Variants in NRG1 observed in about 807,000 individuals in gnomAD.
NRG1 encodes pro-neuregulin-1, membrane-bound isoform.
NRG1 carries 18 observed loss-of-function variants against 63.8 expected under a neutral mutation model. That is an observed-to-expected ratio of 0.28 (90% confidence interval 0.19 to 0.42). The LOEUF (loss-of-function observed/expected upper bound fraction) is 0.42. Among genes scored for constraint, NRG1 ranks in the 10% least tolerant of loss-of-function variants. The pLI is 1.00. For missense variants in NRG1, 762 were observed against 814.7 expected, an observed-to-expected ratio of 0.94 and a Z score of 0.79; for synonymous variants, 302 against 301.3, an observed-to-expected ratio of 1.00 and a Z score of -0.02.
intron 1 of NRG1, among the ~76,000 whole-genome samples, chr8:32,346,717 T>C (rs1279426798): frequency 6.6e-6 from 1 of 152,202 alleles, no homozygotes; most frequent in Admixed American, 6.5e-5. Context: ...TTTTAATTGA[T>C]ATAGCATAGT....
At chr8:31,720,624 T>TG (rs1812819933) in intron 1 of NRG1, among the ~76,000 whole-genome samples, 1 of 152,218 alleles carries the variant, frequency 6.6e-6, no homozygotes, top group Non-Finnish European at 1.5e-5. Flanking sequence ...CAAACCGTTT[T>TG]TTTGTTTGTT....
intron 5 of NRG1, among the ~76,000 whole-genome samples, chr8:32,624,257 G>T (rs999927626): frequency 3.9e-5 from 6 of 152,210 alleles, no homozygotes; most frequent in Admixed American, 1.3e-4. Flanking sequence ...CTAAAATACT[G>T]CATCCAGGGA....
chr8:31,880,835 A>G (rs2129612696), intron 1 of NRG1, among the ~76,000 whole-genome samples: 1 of 152,196 alleles, frequency 6.6e-6, no homozygotes, highest in East Asian at 1.9e-4. Flanking sequence ...AATGGCTTAA[A>G]GGAGTATTTG....
At chr8:32,662,060 G>A (rs1201735335) in intron 5 of NRG1, among the ~76,000 whole-genome samples, 1 of 152,140 alleles carries the variant, frequency 6.6e-6, no homozygotes, top group Non-Finnish European at 1.5e-5. Context: ...GCATATCCCA[G>A]TTATACTGAT....
At position 32,566,342 on chromosome 8, in the gene NRG1, C is replaced by CAA. The variant is rs35064563; in HGVS notation, c.100+17532_100+17533dup. Among the ~76,000 whole-genome samples the CAA allele has an allele frequency of 2.5e-4, 26 of 102,686 alleles. 2 individuals are homozygous for CAA. Among genetic ancestry groups the CAA allele is most frequent in the Admixed American group, 3.3e-4 (3 of 9,104 alleles). 67.4% of individuals were successfully genotyped at this position (102,686 alleles called of 152,430 possible). On this transcript the variant is annotated intron_variant, in intron 1 of 11. Transcript: ENST00000356819. The stretch of plus-strand genomic sequence containing the variant: ...ACTTCACTCCAGCCACAGAACATCT[C>CAA]AAAAAAAAAAAAAAAAAGACAGCAT...
In NRG1 at chr8:31,640,635, C is replaced by T. The variant is rs1009261637; in HGVS notation, c.37+1204C>T. 1.2e-6 allele frequency: 2 copies of T among 1,609,910 alleles called. No homozygotes were observed. The highest frequency in any genetic ancestry group is 2.7e-5 in the African/African-American group (2 of 74,790). ...TGGAGCCCGACGCCAACAGCACCAG[C>T]CGCGCGCCGGCCGCCTTCCGAGCCT... On this transcript the variant is annotated intron_variant, in intron 1 of 10. Coordinates refer to the NRG1 transcript ENST00000519301. This position sits in a 1 kb window ranked among gnomAD's most constrained non-coding sequence, Gnocchi z 6.3.
chr8:31,943,484 A>T (rs749007852), intron 1 of NRG1, among the ~76,000 whole-genome samples: 2 of 151,998 alleles, frequency 1.3e-5, no homozygotes, highest in African/African-American at 4.8e-5. Flanking sequence ...CACTACTAAA[A>T]AACTTACTCA....
At chr8:32,327,877 C>A (rs1050396262) in intron 1 of NRG1, among the ~76,000 whole-genome samples, 5 of 152,140 alleles carry the variant, frequency 3.3e-5, no homozygotes, top group Non-Finnish European at 5.9e-5. Flanking sequence ...GCACTGCTTC[C>A]ATATTGGCTA....
intron 1 of NRG1, among the ~76,000 whole-genome samples, chr8:31,688,700 C>T (rs1004936827): frequency 5.3e-5 from 8 of 151,880 alleles, no homozygotes; most frequent in Admixed American, 2.0e-4. Context: ...TGTAGATTCA[C>T]TAAAGCTTTT....
intron 1 of NRG1, among the ~76,000 whole-genome samples, chr8:32,286,169 C>A (rs565161949): frequency 6.6e-6 from 1 of 152,172 alleles, no homozygotes; most frequent in East Asian, 1.9e-4. Context: ...TACATTGGCC[C>A]GTTGAGTTTT....
intron 1 of NRG1, among the ~76,000 whole-genome samples, chr8:31,659,166 G>A (rs1217932652): frequency 6.6e-6 from 1 of 152,166 alleles, no homozygotes; most frequent in Non-Finnish European, 1.5e-5. Flanking sequence ...AGAGATATTT[G>A]TCCAGGCTCA....
At chr8:31,984,595 G>A (rs994913971) in intron 1 of NRG1, among the ~76,000 whole-genome samples, 1 of 152,094 alleles carries the variant, frequency 6.6e-6, no homozygotes, top group Non-Finnish European at 1.5e-5. Flanking sequence ...GAGAATGCTT[G>A]TGTTTGGTCC....
chr8:32,607,716 T>C (rs1845504072), intron 3 of NRG1, among the ~76,000 whole-genome samples: 1 of 152,160 alleles, frequency 6.6e-6, no homozygotes, highest in Non-Finnish European at 1.5e-5. Flanking sequence ...GAATATGTAG[T>C]GTTGACCAAT....
chr8:32,676,750 C>G (rs1211521869), intron 5 of NRG1, among the ~76,000 whole-genome samples: 1 of 152,074 alleles, frequency 6.6e-6, no homozygotes, highest in African/African-American at 2.4e-5. Context: ...GTCTAGTATT[C>G]GTAGTCAGTG....
intron 1 of NRG1, among the ~76,000 whole-genome samples, chr8:32,247,945 T>C (rs1269895868): frequency 6.6e-6 from 1 of 152,148 alleles, no homozygotes; most frequent in Non-Finnish European, 1.5e-5. Flanking sequence ...TGCATCATTA[T>C]GGCATTTGAT....
intron 4 of NRG1, among the ~76,000 whole-genome samples, chr8:32,616,088 A>G (rs1042948223): frequency 3.3e-5 from 5 of 152,006 alleles, no homozygotes; most frequent in Non-Finnish European, 5.9e-5. Context: ...GTTGACTTTC[A>G]ATCCTTCTTT....
At chr8:32,071,506 G>C (rs1825757203) in intron 1 of NRG1, among the ~76,000 whole-genome samples, 1 of 152,182 alleles carries the variant, frequency 6.6e-6, no homozygotes, top group Admixed American at 6.5e-5. Flanking sequence ...TGTATTGGTA[G>C]ATTCTGTAGA....
intron 1 of NRG1, among the ~76,000 whole-genome samples, chr8:31,955,775 T>C (rs1036712221): frequency 6.6e-6 from 1 of 151,978 alleles, no homozygotes; most frequent in Non-Finnish European, 1.5e-5. Flanking sequence ...CAGTTGCTCA[T>C]GGCTGTAATC....
In NRG1 at chr8:32,455,886, G is replaced by T. The variant is rs1164876910; in HGVS notation, c.38-139942G>T. ...CACTGCGGCCTCCACCCCAGTTCAA[G>T]CAATTTCATGCTCAGCCTCTGAGTA... On this transcript the variant is annotated intron_variant, in intron 1 of 10. Coordinates refer to the NRG1 transcript ENST00000519301. Among the ~76,000 whole-genome samples the T allele has an allele frequency of 2.6e-5, 4 of 152,150 alleles. No homozygotes were observed. In the East Asian group the frequency reaches 7.7e-4, roughly 29 times the overall value.
Sources: gnomAD v4.1 joint callset for allele counts (sites outside exome capture counted in the v4.1 genomes callset) on GRCh38, gnomAD v4.1.1 for gene constraint, Gnocchi (gnomAD v3.1) non-coding constraint, MANE v1.5 for transcripts, NCBI Gene and HGNC (gene_info 2026-07-23, HGNC 2026-07-21) for gene names.